The following CAMTA1 variants were observed in gnomAD, a reference collection of about 807,000 sequenced individuals.
CAMTA1 encodes the protein calmodulin-binding transcription activator 1.
In CAMTA1, 27 loss-of-function variants were observed where a neutral mutation model predicts 170.9. The ratio of observed to expected loss-of-function variants is 0.16; its 90% CI spans 0.12 to 0.22. CAMTA1 has a LOEUF of 0.22. Among genes scored for constraint, CAMTA1 ranks in the 10% least tolerant of loss-of-function variants. The pLI is 1.00. For synonymous variants in CAMTA1, 833 were observed against 891.5 expected (o/e 0.93, Z 1.17); for missense variants, 1,619 against 2,217.2 (o/e 0.73, Z 5.42).
At chr1:7,259,887 G>A (rs1667922494) in intron 5 of CAMTA1, among the ~76,000 whole-genome samples, 1 of 152,200 alleles carries the variant, frequency 6.6e-6, no homozygotes, top group African/African-American at 2.4e-5. Context: ...TCTGAACGGG[G>A]AACTTGCCTG....
chr1:7,569,180 C>T (rs1557933169), intron 6 of CAMTA1, among the ~76,000 whole-genome samples: 2 of 150,330 alleles, frequency 1.3e-5, no homozygotes, highest in Non-Finnish European at 3.0e-5. Context: ...ATCGTGGTCA[C>T]TATCACCATC....
At chr1:7,004,158 C>T (rs190730900) in intron 3 of CAMTA1, among the ~76,000 whole-genome samples, 87 of 152,254 alleles carry the variant, frequency 5.7e-4, no homozygotes, top group Middle Eastern at 3.4e-3. Flanking sequence ...ACGAAAGTTC[C>T]GTCATCCAGT....
intron 4 of CAMTA1, among the ~76,000 whole-genome samples, chr1:7,158,405 C>T (rs1022720829): frequency 2.0e-5 from 3 of 152,162 alleles, no homozygotes; most frequent in Non-Finnish European, 2.9e-5. Flanking sequence ...TGAGTGAGTA[C>T]AATGCCTGTA....
At chr1:7,337,435 A>G (rs1025791463) in intron 5 of CAMTA1, among the ~76,000 whole-genome samples, 11 of 152,252 alleles carry the variant, frequency 7.2e-5, no homozygotes, top group African/African-American at 2.7e-4. Flanking sequence ...GAACATTTAA[A>G]TCAGCAGACT....
intron 3 of CAMTA1, among the ~76,000 whole-genome samples, chr1:6,966,626 T>TTTTTTTG (rs397979038): frequency 6.6e-6 from 1 of 151,008 alleles, no homozygotes. Context: ...TTTTTTTTTT[T>TTTTTTTG]AGAGACAGAG....
chr1:7,517,840 C>T (rs926819611), intron 6 of CAMTA1, among the ~76,000 whole-genome samples: 26 of 151,918 alleles, frequency 1.7e-4, no homozygotes, highest in African/African-American at 5.8e-4. Flanking sequence ...GAGGTTTGAG[C>T]CAAGGTCCCT....
At chr1:7,221,905 A>C (rs1660835991) in intron 4 of CAMTA1, among the ~76,000 whole-genome samples, 1 of 143,794 alleles carries the variant, frequency 7.0e-6, no homozygotes, top group South Asian at 2.2e-4. Flanking sequence ...AAGCTGGTGC[A>C]TACACACACA....
At chr1:6,874,998 C>T (rs1320966033) in intron 3 of CAMTA1, among the ~76,000 whole-genome samples, 3 of 152,282 alleles carry the variant, frequency 2.0e-5, no homozygotes, top group East Asian at 3.9e-4. Context: ...CATATTCATC[C>T]CAGGGCTTTC....
At chr1:7,360,128 A>G (rs937540174) in intron 5 of CAMTA1, among the ~76,000 whole-genome samples, 3 of 152,126 alleles carry the variant, frequency 2.0e-5, no homozygotes, top group Non-Finnish European at 4.4e-5. Flanking sequence ...ATAAGTAATC[A>G]GTCATATTGG....
At chr1:7,103,849 CACA>C (rs1265320746) in intron 4 of CAMTA1, among the ~76,000 whole-genome samples, 2 of 52,378 alleles carry the variant, frequency 3.8e-5, no homozygotes, top group Non-Finnish European at 7.5e-5. Context: ...CACATGTACA[CACA>C]ACACACATAC....
intron 3 of CAMTA1, among the ~76,000 whole-genome samples, chr1:6,974,683 A>G (rs1372748049): frequency 1.3e-5 from 2 of 152,326 alleles, no homozygotes. Flanking sequence ...CCTGGAAGAC[A>G]GTCTGTGCAT....
intron 3 of CAMTA1, among the ~76,000 whole-genome samples, chr1:7,033,434 T>G (rs1225272805): frequency 6.6e-6 from 1 of 152,104 alleles, no homozygotes; most frequent in African/African-American, 2.4e-5. Context: ...ATTTTATCAG[T>G]GTATAATTTC....
intron 4 of CAMTA1, among the ~76,000 whole-genome samples, chr1:7,209,038 A>G (rs1047123018): frequency 6.6e-6 from 1 of 152,146 alleles, no homozygotes; most frequent in Non-Finnish European, 1.5e-5. Flanking sequence ...TTTAACCATG[A>G]TTCAAGGCCC....
At chr1:7,497,687 T>G (rs1218318885) in intron 6 of CAMTA1, among the ~76,000 whole-genome samples, 2 of 152,218 alleles carry the variant, frequency 1.3e-5, no homozygotes, top group Non-Finnish European at 2.9e-5. Context: ...GGGACTTCCC[T>G]GACTGGAGAG....
Position 7,277,857 on chromosome 1 carries a change from A to G in CAMTA1, c.438+28231A>G, listed in dbSNP as rs545992763. Among the ~76,000 whole-genome samples, 51 of 152,104 alleles carry G rather than the reference A, an allele frequency of 3.4e-4. 1 individual carries two copies. The highest frequency in any genetic ancestry group is 8.5e-4 in the Admixed American group (13 of 15,280). The stretch of plus-strand genomic sequence containing the variant: ...CTTGACTCCATGTTAAGTGATTTAC[A>G]TATTTTTAAATGACTCTGTGTGATA... On this transcript the variant is annotated intron_variant, in intron 5 of 22. Coordinates refer to ENST00000303635, the MANE Select transcript of CAMTA1 (RefSeq NM_015215.4).
At chr1:7,168,905 G>C (rs946673105) in intron 4 of CAMTA1, among the ~76,000 whole-genome samples, 1 of 152,184 alleles carries the variant, frequency 6.6e-6, no homozygotes, top group Non-Finnish European at 1.5e-5. Flanking sequence ...AATATTTGCT[G>C]TAGGGGTTTT....
chr1:7,495,749 A>G (rs780181234), intron 6 of CAMTA1, among the ~76,000 whole-genome samples: 5 of 152,234 alleles, frequency 3.3e-5, no homozygotes, highest in African/African-American at 1.2e-4. Context: ...TTAAGTGTTT[A>G]TCAGGGAGAT....
chr1:7,525,400 C>G (rs1409726048), intron 6 of CAMTA1, among the ~76,000 whole-genome samples: 1 of 152,068 alleles, frequency 6.6e-6, no homozygotes, highest in Non-Finnish European at 1.5e-5. Flanking sequence ...TCAGGCTCCC[C>G]CCATCTCCAC....
At chr1:7,452,387 T>C (rs2092847899) in intron 5 of CAMTA1, among the ~76,000 whole-genome samples, 1 of 152,220 alleles carries the variant, frequency 6.6e-6, no homozygotes, top group African/African-American at 2.4e-5. Context: ...ATTCACATAA[T>C]GCAAAATTAA....
Sources: gnomAD v4.1 joint callset for allele counts (sites outside exome capture counted in the v4.1 genomes callset) on GRCh38, gnomAD v4.1.1 for gene constraint, MANE v1.5 for transcripts, NCBI Gene and HGNC (gene_info 2026-07-23, HGNC 2026-07-21) for gene names.